Variants in HS2ST1 observed in about 807,000 individuals in gnomAD.
The protein encoded by HS2ST1 is 2-O-sulfotransferase.
HS2ST1 carries 18 observed loss-of-function variants against 42.9 expected under a neutral mutation model. The observed-to-expected ratio is 0.42, with a 90% CI of 0.29 to 0.62. The LOEUF is 0.62. HS2ST1 is among the 20% of genes least tolerant of loss of function. The pLI is 0.21. For missense variants in HS2ST1, 334 were observed against 433.8 expected (o/e 0.77, Z 2.04); for synonymous variants, 146 against 152.9 (o/e 0.95, Z 0.33).
intron 1 of HS2ST1, among the ~76,000 whole-genome samples, chr1:86,964,097 T>A (rs1321128118): frequency 7.0e-6 from 1 of 142,424 alleles, no homozygotes; most frequent in African/African-American, 2.7e-5. Flanking sequence ...GCAGAGGCAT[T>A]CCCCACATCT....
chr1:87,014,660 G>C (rs931058178), intron 1 of HS2ST1, among the ~76,000 whole-genome samples: 1 of 152,114 alleles, frequency 6.6e-6, no homozygotes, highest in African/African-American at 2.4e-5. Context: ...ATGCTTGCAC[G>C]CTTGATAAAA....
intron 1 of HS2ST1, among the ~76,000 whole-genome samples, chr1:86,938,136 A>G (rs1236586666): frequency 6.6e-6 from 1 of 152,148 alleles, no homozygotes; most frequent in African/African-American, 2.4e-5. Flanking sequence ...TTATTTAAGG[A>G]AAGATTCATT....
chr1:87,014,489 A>C (rs1487020281), intron 1 of HS2ST1, among the ~76,000 whole-genome samples: 1 of 152,208 alleles, frequency 6.6e-6, no homozygotes, highest in African/African-American at 2.4e-5. Flanking sequence ...TGTGATTGGC[A>C]CACAGCCAAA....
intron 1 of HS2ST1, among the ~76,000 whole-genome samples, chr1:87,061,841 T>C (rs1227366005): frequency 1.3e-5 from 2 of 152,172 alleles, no homozygotes; most frequent in Non-Finnish European, 1.5e-5. Context: ...TTCACCATGT[T>C]ACATCCCCTC....
rs989544799 is a variant in HS2ST1 at position 87,097,736 on chromosome 1, C to T, written c.589-102C>T. ...CCAAAAAAAATAAGAGTGTCTCATC[C>T]CACCTACTCTGGCCCATTTATTTAA... On this transcript the variant is annotated intron_variant, in intron 4 of 6. Coordinates refer to ENST00000370550, the MANE Select transcript of HS2ST1 (RefSeq NM_012262.4). 4.5e-6 allele frequency: 6 copies of T among 1,332,988 alleles called. No homozygotes were observed. The East Asian group carries it at 9.8e-5, about 22-fold the overall frequency. The allele number at this position is 1,332,988 out of a possible 1,614,324, so 82.6% of individuals were successfully genotyped here.
chr1:86,938,886 A>G (rs892053290), intron 1 of HS2ST1, among the ~76,000 whole-genome samples: 5 of 152,210 alleles, frequency 3.3e-5, no homozygotes, highest in Non-Finnish European at 7.3e-5. Flanking sequence ...ACAAAGTAAA[A>G]GTTACCTTGA....
chr1:87,000,613 G>A (rs1482879662), intron 1 of HS2ST1, among the ~76,000 whole-genome samples: 1 of 152,186 alleles, frequency 6.6e-6, no homozygotes, highest in African/African-American at 2.4e-5. Context: ...AATGTAGTTG[G>A]TAGTTTGCCC....
At chr1:86,930,077 T>A (rs544525511) in intron 1 of HS2ST1, among the ~76,000 whole-genome samples, 2 of 151,164 alleles carry the variant, frequency 1.3e-5, no homozygotes, top group East Asian at 3.9e-4. Context: ...AGAGGTAAAC[T>A]GTGTTGTGAT....
chr1:87,032,097 G>T (rs1337781513), intron 1 of HS2ST1, among the ~76,000 whole-genome samples: 2 of 152,146 alleles, frequency 1.3e-5, no homozygotes, highest in Non-Finnish European at 2.9e-5. Context: ...TTCAATAGTG[G>T]TAGCTGAAGA....
At chr1:86,964,365 C>T (rs1052150973) in intron 1 of HS2ST1, among the ~76,000 whole-genome samples, 12 of 152,244 alleles carry the variant, frequency 7.9e-5, no homozygotes, top group Non-Finnish European at 1.5e-4. Context: ...ACTGAATGAA[C>T]GAGACTCTGT....
intron 1 of HS2ST1, among the ~76,000 whole-genome samples, chr1:86,944,931 TC>T (rs1376861014): frequency 6.6e-6 from 1 of 151,992 alleles, no homozygotes; most frequent in Non-Finnish European, 1.5e-5. Flanking sequence ...ACGTTTAGCT[TC>T]AAACATAAGA....
intron 1 of HS2ST1, among the ~76,000 whole-genome samples, chr1:86,926,944 T>C (rs191065315): frequency 6.6e-6 from 1 of 152,328 alleles, no homozygotes; most frequent in Admixed American, 6.5e-5. Context: ...AATTTTATTC[T>C]GATTTTAAGA....
intron 5 of HS2ST1, chr1:87,098,400 A>G: frequency 1.2e-6 from 1 of 839,790 alleles, no homozygotes; most frequent in Non-Finnish European, 1.4e-6. Context: ...AGTAAATATC[A>G]AGTGGAAAAT....
At chr1:87,025,991 T>C (rs1650078069) in intron 1 of HS2ST1, among the ~76,000 whole-genome samples, 1 of 152,222 alleles carries the variant, frequency 6.6e-6, no homozygotes, top group South Asian at 2.1e-4. Flanking sequence ...TAAAAGATAC[T>C]GTGTTAAAAA....
chr1:86,945,414 A>G (rs1436320133), intron 1 of HS2ST1, among the ~76,000 whole-genome samples: 1 of 152,220 alleles, frequency 6.6e-6, no homozygotes, highest in Non-Finnish European at 1.5e-5. Flanking sequence ...GAAAAATCTA[A>G]TTTAATTATG....
At chr1:87,014,333 A>T (rs1181686029) in intron 1 of HS2ST1, among the ~76,000 whole-genome samples, 1 of 152,154 alleles carries the variant, frequency 6.6e-6, no homozygotes. Flanking sequence ...AGTGCAGGGG[A>T]ACTCCCCTTT....
At chr1:87,055,423 A>G (rs999288076) in intron 1 of HS2ST1, among the ~76,000 whole-genome samples, 1 of 151,982 alleles carries the variant, frequency 6.6e-6, no homozygotes, top group Middle Eastern at 3.2e-3. Context: ...CCATTAACCT[A>G]TCTCCTTCCA....
At chr1:87,052,635 C>A (rs1016139804) in intron 1 of HS2ST1, among the ~76,000 whole-genome samples, 1 of 152,152 alleles carries the variant, frequency 6.6e-6, no homozygotes, top group East Asian at 1.9e-4. Flanking sequence ...TGGTTGGTGG[C>A]GAGCAGTGAG....
intron 2 of HS2ST1, among the ~76,000 whole-genome samples, chr1:87,083,789 T>G (rs12086868): frequency 0.13 from 19,092 of 152,170 alleles, 1,300 homozygotes; most frequent in African/African-American, 0.15. Flanking sequence ...AATAAACTTT[T>G]ATGAACAGCA....
Sources: gnomAD v4.1 joint callset for allele counts (sites outside exome capture counted in the v4.1 genomes callset) on GRCh38, gnomAD v4.1.1 for gene constraint, MANE v1.5 for transcripts, NCBI Gene and HGNC (gene_info 2026-07-23, HGNC 2026-07-21) for gene names.